TMEM33: variants seen among roughly 807,000 people sequenced by gnomAD.
TMEM33 encodes the protein transmembrane protein 33.
TMEM33 carries 16 observed loss-of-function variants against 29.7 expected under a neutral mutation model. The observed-to-expected ratio is 0.54, with a 90% CI of 0.36 to 0.82. The LOEUF is 0.82. TMEM33 is among the 40% of genes least tolerant of loss of function. The pLI, the probability that TMEM33 is intolerant of heterozygous loss-of-function variation, is 0.00. For missense variants in TMEM33, 252 were observed against 295.3 expected (o/e 0.85, Z 1.08); for synonymous variants, 112 against 109.4 (o/e 1.02, Z -0.15).
intron 3 of TMEM33, among the ~76,000 whole-genome samples, chr4:41,941,310 A>G (rs1339031305): frequency 6.6e-6 from 1 of 152,268 alleles, no homozygotes; most frequent in African/African-American, 2.4e-5. Context: ...TGTTGATTGA[A>G]GTGCTTTGCA....
At position 41,939,237 on chromosome 4, in the gene TMEM33, C is replaced by CA; in HGVS notation, c.185dup (p.Asn62LysfsTer71). On this transcript the variant is annotated frameshift_variant, in exon 3 of 7. Coordinates refer to ENST00000504986, the MANE Select transcript of TMEM33 (RefSeq NM_018126.3). LOFTEE classifies it high-confidence loss of function. ...AGCTTTTACCAACGTGCTTTGCTGG[C>CA]AAATGCTCTTACCAGTGCTCTGAGG... The CA allele has an allele frequency of 6.2e-7, 1 of 1,607,188 alleles. No individual in the cohort carries two copies. Among genetic ancestry groups the CA allele is most frequent in the Non-Finnish European group, 8.5e-7 (1 of 1,178,260 alleles).
rs2153128720 is a variant in TMEM33, at chr4:41,958,643, T to C, written c.*4444T>C. The C allele has an allele frequency of 6.6e-6, 1 of 151,470 alleles. No homozygotes were observed. Among genetic ancestry groups the C allele is most frequent in the Admixed American group, 6.6e-5 (1 of 15,164 alleles). The allele number at this position is 151,470 out of a possible 1,614,324, so 9.4% of individuals were successfully genotyped here. On this transcript the variant is annotated 3_prime_UTR_variant, in exon 7 of 7. Coordinates refer to ENST00000504986, the MANE Select transcript of TMEM33 (RefSeq NM_018126.3). ...AAATTTGTAGATATTATATGAGGAA[T>C]GGCACCTAGATTTGAAAATTATGCT...
In TMEM33 at chr4:41,954,352, G is replaced by A; in HGVS notation, c.*153G>A. Reference sequence around the variant, plus strand: ...TCGGTGGAAAAATAATCATTTTCTTGGCATGTTAAATCAAGCTTAAAAAGT... The same window carrying A: ...TCGGTGGAAAAATAATCATTTTCTTAGCATGTTAAATCAAGCTTAAAAAGT... On this transcript the variant is annotated 3_prime_UTR_variant, in exon 7 of 7. Transcript: ENST00000504986. The A allele has an allele frequency of 1.1e-6, 1 of 896,462 alleles. No individual in the cohort carries two copies. 55.5% of individuals were successfully genotyped at this position (896,462 alleles called of 1,614,324 possible).
chr4:41,938,087 TTTC>T (rs780773962), intron 1 of TMEM33, among the ~76,000 whole-genome samples: 1 of 152,220 alleles, frequency 6.6e-6, no homozygotes, highest in Non-Finnish European at 1.5e-5. Flanking sequence ...TGGTTTTATA[TTTC>T]TTCTTCAAAA....
intron 6 of TMEM33, 96 bp from the exon 7 acceptor site, chr4:41,953,974 T>A: frequency 6.6e-7 from 1 of 1,503,804 alleles, no homozygotes; most frequent in Non-Finnish European, 9.1e-7. Context: ...CTTCAATTTG[T>A]AAAAAATGAA....
chr4:41,954,077 T>C lies in TMEM33; in HGVS notation c.622T>C (p.Phe208Leu), dbSNP rs1413128029. ...AACTATTTTGTCTTGCAGGACCTTATTTAATGAACTGAGGATTGTTGTTGA... is the reference window on the plus strand; with the variant it reads ...AACTATTTTGTCTTGCAGGACCTTACTTAATGAACTGAGGATTGTTGTTGA... ...SRRNPYCRTL[F>L]NELRIVVEHI... The change falls in exon 7 of 7, where the codon TTT (phenylalanine) becomes CTT (leucine). Residue 208 changes from phenylalanine (F) to leucine (L), a missense_variant. Transcript: ENST00000504986. 6.2e-7 allele frequency: 1 copy of C among 1,613,550 alleles called. No individual in the cohort carries two copies.
rs201223512 is a variant in TMEM33, at chr4:41,944,975, A to G, written c.530+49A>G. On this transcript the variant is annotated intron_variant, in intron 5 of 6. Coordinates refer to ENST00000504986, the MANE Select transcript of TMEM33 (RefSeq NM_018126.3). ...TGGGAGGCTGATGACTGAACGTAAT[A>G]AAGATAGTAACTCAAGTTTTATTCT... is the stretch of plus-strand genomic sequence containing the variant. 844 of 1,593,376 alleles carry G rather than the reference A, an allele frequency of 5.3e-4. 1 individual carries two copies. The highest frequency in any genetic ancestry group is 6.8e-4 in the Non-Finnish European group (796 of 1,173,718).
At chr4:41,940,045 T>TC (rs200423592) in intron 3 of TMEM33, among the ~76,000 whole-genome samples, 3,027 of 121,638 alleles carry the variant, frequency 0.025, 311 homozygotes, top group African/African-American at 0.083. Context: ...GGTTAAACTT[T>TC]CTTTTTTTTT....
Position 41,954,110 on chromosome 4 carries a change from A to G in TMEM33, c.655A>G (p.Ile219Val), listed in dbSNP as rs753406675. Residue 219 changes from isoleucine (I) to valine (V), a missense_variant, in exon 7 of 7, where the codon ATA (isoleucine) becomes GTA (valine). Physicochemically the swap from Ile to Val is conservative, Grantham distance 29. Coordinates refer to ENST00000504986, the MANE Select transcript of TMEM33 (RefSeq NM_018126.3). ...NELRIVVEHI[I>V]MKPACPLFVR... is the part of the protein sequence containing the mutation. ...ACTGAGGATTGTTGTTGAACACATA[A>G]TAATGAAACCTGCTTGCCCACTGTT... is the stretch of plus-strand genomic sequence containing the variant. 6.2e-7 allele frequency: 1 copy of G among 1,614,024 alleles called. No homozygotes were observed. The highest frequency in any genetic ancestry group is 8.5e-7 in the Non-Finnish European group (1 of 1,179,878).
At chr4:41,935,163 G>A, upstream of TMEM33, 1 of 465,198 alleles carries the variant, frequency 2.1e-6, no homozygotes, top group South Asian at 2.3e-5. Flanking sequence ...ATAACCTGGA[G>A]CCGGCGGCGT....
intron 2 of TMEM33, 64 bp from the exon 3 acceptor site, chr4:41,939,132 A>G (rs1009275837): frequency 1.4e-6 from 2 of 1,469,024 alleles, no homozygotes; most frequent in Non-Finnish European, 1.8e-6. Flanking sequence ...TGCAATTCAC[A>G]AAGGAGGAAG....
chr4:41,955,077 A>G lies in TMEM33; in HGVS notation c.*878A>G, dbSNP rs1016147896. 12 of 152,646 alleles carry G rather than the reference A, an allele frequency of 7.9e-5. No individual in the cohort carries two copies. The highest frequency in any genetic ancestry group is 5.9e-4 in the Admixed American group (9 of 15,270). 9.5% of individuals were successfully genotyped at this position (152,646 alleles called of 1,614,324 possible). The stretch of plus-strand genomic sequence containing the variant: ...GCTTGAATTTTCATAGACAATTGCA[A>G]CAGTTTAGATGCCTTTTGAAAGGAA... On this transcript the variant is annotated 3_prime_UTR_variant, in exon 7 of 7. Transcript: ENST00000504986.
At chr4:41,940,150 G>A (rs1712467204) in intron 3 of TMEM33, among the ~76,000 whole-genome samples, 2 of 139,994 alleles carry the variant, frequency 1.4e-5, no homozygotes, top group African/African-American at 2.6e-5. Flanking sequence ...GAGCCATCAC[G>A]CCCAGCCAGG....
At chr4:41,938,090 C>T (rs749807819) in intron 1 of TMEM33, among the ~76,000 whole-genome samples, 34 of 152,206 alleles carry the variant, frequency 2.2e-4, no homozygotes, top group Non-Finnish European at 4.3e-4. Context: ...TTTTATATTT[C>T]TTCTTCAAAA....
Position 41,956,859 on chromosome 4 carries a change from A to G in TMEM33, c.*2660A>G, listed in dbSNP as rs1332338103. Reference sequence around the variant, plus strand: ...AGATGTTTAGTTTGCATGAACTCATAGTTAGAAATTCTGCAATAGGAATAT... The same window carrying G: ...AGATGTTTAGTTTGCATGAACTCATGGTTAGAAATTCTGCAATAGGAATAT... On this transcript the variant is annotated 3_prime_UTR_variant, in exon 7 of 7. Transcript: ENST00000504986. The G allele has an allele frequency of 6.6e-6, 1 of 152,232 alleles. No homozygotes were observed. The highest frequency in any genetic ancestry group is 1.5e-5 in the Non-Finnish European group (1 of 68,016). The allele number at this position is 152,232 out of a possible 1,614,324, so 9.4% of individuals were successfully genotyped here.
intron 1 of TMEM33, among the ~76,000 whole-genome samples, chr4:41,936,482 G>A (rs1328395136): frequency 6.6e-6 from 1 of 152,208 alleles, no homozygotes; most frequent in Non-Finnish European, 1.5e-5. Flanking sequence ...AGTTGAAGCT[G>A]CCGTGAGCCA....
rs1480213298 is a variant in TMEM33 at position 41,957,962 on chromosome 4, T to C, written c.*3763T>C. On this transcript the variant is annotated 3_prime_UTR_variant, in exon 7 of 7. Transcript: ENST00000504986. Reference sequence around the variant, plus strand: ...AAGTCCCTGAATTCCATGGCCCTTTTAAATATGTAATCATTCAAGATTGAA... The same window carrying C: ...AAGTCCCTGAATTCCATGGCCCTTTCAAATATGTAATCATTCAAGATTGAA... 6.6e-6 allele frequency: 1 copy of C among 152,342 alleles called. No individual in the cohort carries two copies. Among genetic ancestry groups the C allele is most frequent in the Non-Finnish European group, 1.5e-5 (1 of 68,152 alleles). 9.4% of individuals were successfully genotyped at this position (152,342 alleles called of 1,614,324 possible).
intron 3 of TMEM33, among the ~76,000 whole-genome samples, chr4:41,940,046 C>CTT (rs71650953): frequency 0.16 from 13,326 of 81,430 alleles, 1,990 homozygotes; most frequent in African/African-American, 0.34. Context: ...GTTAAACTTT[C>CTT]TTTTTTTTTT....
At chr4:41,949,197 A>T in intron 5 of TMEM33, 105 bp from the exon 6 acceptor site, 1 of 657,112 alleles carries the variant, frequency 1.5e-6, no homozygotes. Context: ...TGACCATTTG[A>T]TGAATGAAGA....
Sources: allele counts gnomAD v4.1 joint callset (sites outside exome capture counted in the v4.1 genomes callset), GRCh38; gene constraint gnomAD v4.1.1; transcripts MANE v1.5; gene names NCBI Gene and HGNC (gene_info 2026-07-23, HGNC 2026-07-21).